MARCHF1: variants seen among roughly 807,000 people sequenced by gnomAD.
The protein encoded by MARCHF1 is E3 ubiquitin-protein ligase MARCHF1.
MARCHF1 carries 40 observed loss-of-function variants against 54.2 expected under a neutral mutation model. The observed-to-expected ratio is 0.74, with a 90% confidence interval of 0.57 to 0.96. The LOEUF is 0.96. Ranked by LOEUF, MARCHF1 falls within the 40% of genes least tolerant of loss-of-function variation. The probability of loss-of-function intolerance (pLI) is 0.00; values close to 1 mark genes in which losing one functional copy is unlikely to be tolerated. For missense variants in MARCHF1, 586 were observed against 656.5 expected (o/e 0.89, Z 1.17); for synonymous variants, 236 against 236.3 (o/e 1.00, Z 0.01).
At chr4:163,564,692 A>G (rs1379665510) in intron 8 of MARCHF1, among the ~76,000 whole-genome samples, 2 of 152,234 alleles carry the variant, frequency 1.3e-5, no homozygotes, top group African/African-American at 4.8e-5. Flanking sequence ...TGCCAGGTGC[A>G]TTGCCAGGAT....
At chr4:164,141,839 A>C (rs2110863211) in intron 1 of MARCHF1, among the ~76,000 whole-genome samples, 1 of 152,344 alleles carries the variant, frequency 6.6e-6, no homozygotes, top group East Asian at 1.9e-4. Context: ...GAATAGGAAC[A>C]GCTCCAGTCT....
chr4:163,815,922 T>C (rs1232636184), intron 4 of MARCHF1, among the ~76,000 whole-genome samples: 2 of 152,198 alleles, frequency 1.3e-5, no homozygotes, highest in African/African-American at 4.8e-5. Flanking sequence ...CTTCTTTCAC[T>C]TCCCCTTTTT....
At chr4:163,955,938 G>T (rs1476704088) in intron 3 of MARCHF1, among the ~76,000 whole-genome samples, 1 of 152,078 alleles carries the variant, frequency 6.6e-6, no homozygotes, top group East Asian at 1.9e-4. Flanking sequence ...AGAAAGGGAT[G>T]GGAGATATGA....
chr4:164,069,081 A>G (rs1560889243), intron 2 of MARCHF1, among the ~76,000 whole-genome samples: 1 of 152,198 alleles, frequency 6.6e-6, no homozygotes, highest in Non-Finnish European at 1.5e-5. Flanking sequence ...TGCACCAATC[A>G]GCACTCTGTG....
intron 2 of MARCHF1, among the ~76,000 whole-genome samples, chr4:164,001,961 G>A (rs1753194308): frequency 6.6e-6 from 1 of 151,804 alleles, no homozygotes; most frequent in South Asian, 2.1e-4. Flanking sequence ...AAATGAGAGA[G>A]CAGATAACTT....
At chr4:163,781,082 G>A (rs1320571143) in intron 4 of MARCHF1, among the ~76,000 whole-genome samples, 3 of 152,130 alleles carry the variant, frequency 2.0e-5, no homozygotes, top group East Asian at 1.9e-4. Flanking sequence ...GGTGGCTCAC[G>A]CCTATAATCC....
intron 3 of MARCHF1, among the ~76,000 whole-genome samples, chr4:163,972,373 A>G (rs1752563820): frequency 6.6e-6 from 1 of 152,172 alleles, no homozygotes; most frequent in Non-Finnish European, 1.5e-5. Flanking sequence ...AAATTGATCA[A>G]AACAGTGAAA....
At chr4:164,230,993 C>G (rs774965576) in intron 1 of MARCHF1, among the ~76,000 whole-genome samples, 4 of 152,070 alleles carry the variant, frequency 2.6e-5, no homozygotes, top group Non-Finnish European at 5.9e-5. Context: ...AAATAGAACA[C>G]AAATGCTCAA....
intron 3 of MARCHF1, among the ~76,000 whole-genome samples, chr4:163,957,874 C>T (rs998937285): frequency 6.6e-6 from 1 of 152,008 alleles, no homozygotes; most frequent in African/African-American, 2.4e-5. Context: ...CCTGCAATAG[C>T]CTCCTAATGA....
intron 1 of MARCHF1, among the ~76,000 whole-genome samples, chr4:164,324,441 TTGTC>T (rs1735220748): frequency 6.6e-6 from 1 of 151,626 alleles, no homozygotes; most frequent in Admixed American, 6.6e-5. Context: ...AAAAATAAAA[TTGTC>T]TGTATAAATC....
At chr4:164,196,112 T>A (rs1199275755) in intron 1 of MARCHF1, among the ~76,000 whole-genome samples, 1 of 152,184 alleles carries the variant, frequency 6.6e-6, no homozygotes, top group Non-Finnish European at 1.5e-5. Context: ...TTACTATTAG[T>A]TTCATTCATG....
At chr4:164,329,102 C>T (rs1414027910) in intron 1 of MARCHF1, among the ~76,000 whole-genome samples, 2 of 152,140 alleles carry the variant, frequency 1.3e-5, no homozygotes, top group Admixed American at 6.5e-5. Context: ...TCACCCCAAA[C>T]AATATTCAAT....
chr4:164,300,300 G>A (rs190423742), intron 1 of MARCHF1, among the ~76,000 whole-genome samples: 10 of 152,172 alleles, frequency 6.6e-5, no homozygotes, highest in East Asian at 3.9e-4. Context: ...GACTAGAGCC[G>A]ATTGGTATAT....
At chr4:164,125,017 T>C (rs767873092) in intron 1 of MARCHF1, among the ~76,000 whole-genome samples, 2 of 152,160 alleles carry the variant, frequency 1.3e-5, no homozygotes, top group Non-Finnish European at 2.9e-5. Flanking sequence ...TCGTATTGCA[T>C]GCCTGTATTA....
At chr4:163,935,356 T>A (rs1222477504) in intron 3 of MARCHF1, among the ~76,000 whole-genome samples, 1 of 152,228 alleles carries the variant, frequency 6.6e-6, no homozygotes, top group Non-Finnish European at 1.5e-5. Context: ...AAAGGATGTT[T>A]TCACCTACAT....
intron 5 of MARCHF1, among the ~76,000 whole-genome samples, chr4:163,672,476 T>C (rs1445355307): frequency 6.6e-6 from 1 of 152,176 alleles, no homozygotes; most frequent in African/African-American, 2.4e-5. Flanking sequence ...AATAAGTTAT[T>C]TAACATTTTG....
intron 1 of MARCHF1, among the ~76,000 whole-genome samples, chr4:164,137,586 A>AT (rs774191562): frequency 1.3e-5 from 2 of 152,220 alleles, no homozygotes; most frequent in African/African-American, 2.4e-5. Context: ...ACATCTAATA[A>AT]TAAAAGCTCT....
chr4:163,668,145 C>G (rs1743607318), intron 5 of MARCHF1, among the ~76,000 whole-genome samples: 1 of 152,158 alleles, frequency 6.6e-6, no homozygotes, highest in African/African-American at 2.4e-5. Flanking sequence ...ATAGCACTCT[C>G]TGTGATGTAG....
At chr4:163,849,979 C>A (rs1749599125) in intron 4 of MARCHF1, among the ~76,000 whole-genome samples, 1 of 152,160 alleles carries the variant, frequency 6.6e-6, no homozygotes, top group African/African-American at 2.4e-5. Flanking sequence ...AGCCTTCAAA[C>A]CAGATTTCTT....
Sources: allele counts gnomAD v4.1 joint callset (sites outside exome capture counted in the v4.1 genomes callset), GRCh38; gene constraint gnomAD v4.1.1; transcripts MANE v1.5; gene names NCBI Gene and HGNC (gene_info 2026-07-23, HGNC 2026-07-21).